PDE4D: variants seen among roughly 807,000 people sequenced by gnomAD.
PDE4D encodes 3',5'-cyclic-AMP phosphodiesterase 4D.
Under a neutral mutation model 87.4 loss-of-function variants are expected in PDE4D, and 24 were observed. The ratio of observed to expected loss-of-function variants is 0.27; its 90% CI spans 0.20 to 0.39. PDE4D has a LOEUF of 0.39. Among genes scored for constraint, PDE4D ranks in the 10% least tolerant of loss-of-function variants. PDE4D has a pLI of 1.00. For missense variants in PDE4D, 714 were observed against 1,041.0 expected (o/e 0.69, Z 4.32); for synonymous variants, 384 against 383.2 (o/e 1.00, Z -0.02).
chr5:60,195,239 A>G (rs1034049238), intron 1 of PDE4D, among the ~76,000 whole-genome samples: 7 of 151,600 alleles, frequency 4.6e-5, no homozygotes, highest in African/African-American at 1.2e-4. Context: ...TACTCCCTCC[A>G]TAATGCCTCC....
At chr5:60,013,512 G>A (rs906010452) in intron 2 of PDE4D, among the ~76,000 whole-genome samples, 3 of 152,126 alleles carry the variant, frequency 2.0e-5, no homozygotes, top group Non-Finnish European at 2.9e-5. Flanking sequence ...CAAAGATCTA[G>A]TAGCATCTGT....
At chr5:58,991,639 C>T (rs1747939588) in intron 8 of PDE4D, among the ~76,000 whole-genome samples, 193 bp downstream of exon 8, 1 of 151,912 alleles carries the variant, frequency 6.6e-6, no homozygotes, top group Non-Finnish European at 1.5e-5. Flanking sequence ...CCCCCCAAAC[C>T]CCTAAAACAT....
chr5:59,705,158 T>C (rs1265910020), intron 1 of PDE4D, among the ~76,000 whole-genome samples: 1 of 152,182 alleles, frequency 6.6e-6, no homozygotes, highest in African/African-American at 2.4e-5. Flanking sequence ...ATATTGACTG[T>C]GCTCTTGTGG....
intron 3 of PDE4D, among the ~76,000 whole-genome samples, chr5:59,189,049 C>T (rs1320452818): frequency 6.6e-6 from 1 of 152,034 alleles, no homozygotes; most frequent in Non-Finnish European, 1.5e-5. Flanking sequence ...GCCACAAGAT[C>T]GTTGCTGCTG....
chr5:59,771,470 A>AGAGAGAGAGAG (rs1491378347), intron 1 of PDE4D, among the ~76,000 whole-genome samples: 2 of 92,338 alleles, frequency 2.2e-5, no homozygotes, highest in Admixed American at 1.0e-4. Flanking sequence ...AGAAAGAAAG[A>AGAGAGAGAGAG]AAGAAAGAAA....
Position 59,376,316 on chromosome 5 carries a change from G to C in PDE4D, c.456-160348C>G, listed in dbSNP as rs188094501. On this transcript the variant is annotated intron_variant, in intron 1 of 14. Coordinates refer to ENST00000340635, the MANE Select transcript of PDE4D (RefSeq NM_001104631.2). ...TCTCAGCCCAAAAGCTTCTTAAACT[G>C]ATAAACAACTTCAGCAAAGTTTCAG... 5.3e-5 allele frequency among the ~76,000 whole-genome samples: 8 copies of C among 152,206 alleles called. No individual in the cohort carries two copies. In the East Asian group the frequency reaches 1.5e-3, roughly 29 times the overall value.
At chr5:60,364,844 T>C (rs957759537) in intron 1 of PDE4D, among the ~76,000 whole-genome samples, 1 of 152,226 alleles carries the variant, frequency 6.6e-6, no homozygotes, top group Non-Finnish European at 1.5e-5. Flanking sequence ...AGATTACCTC[T>C]ATCCCAAGAA....
At chr5:60,395,677 G>A (rs182591306) in intron 1 of PDE4D, among the ~76,000 whole-genome samples, 6 of 151,592 alleles carry the variant, frequency 4.0e-5, no homozygotes, top group East Asian at 1.9e-4. Context: ...CAAAGATTAC[G>A]CCTTTTATTT....
intron 1 of PDE4D, among the ~76,000 whole-genome samples, chr5:59,438,765 C>T (rs1043527837): frequency 1.1e-4 from 17 of 151,936 alleles, no homozygotes; most frequent in African/African-American, 3.6e-4. Context: ...TGTACTCCAC[C>T]TCTTCTAGGG....
chr5:60,179,990 T>G (rs1412493507), intron 2 of PDE4D, among the ~76,000 whole-genome samples: 1 of 152,238 alleles, frequency 6.6e-6, no homozygotes, highest in Non-Finnish European at 1.5e-5. Context: ...CTCTCCATTT[T>G]TTTGTATCTG....
intron 1 of PDE4D, among the ~76,000 whole-genome samples, chr5:59,374,546 C>T (rs756410965): frequency 1.4e-4 from 21 of 151,980 alleles, no homozygotes; most frequent in Non-Finnish European, 2.9e-4. Flanking sequence ...TTAGAGACCT[C>T]CAAAGAGACC....
intron 1 of PDE4D, among the ~76,000 whole-genome samples, chr5:59,812,406 C>T (rs1347913732): frequency 2.6e-5 from 4 of 152,152 alleles, no homozygotes; most frequent in African/African-American, 4.8e-5. Flanking sequence ...GTCATGGCAC[C>T]TGTAATCTGA....
chr5:60,460,967 A>ACC, intron 1 of PDE4D, among the ~76,000 whole-genome samples: 1 of 151,602 alleles, frequency 6.6e-6, no homozygotes, highest in African/African-American at 2.4e-5. Flanking sequence ...AGCTGTTTGG[A>ACC]CCCCCCAAGG....
At chr5:59,416,928 TATAC>T (rs1793701297) in intron 1 of PDE4D, among the ~76,000 whole-genome samples, 3 of 152,172 alleles carry the variant, frequency 2.0e-5, no homozygotes, top group South Asian at 4.1e-4. Flanking sequence ...GATGTATACA[TATAC>T]ATATATTTTA....
chr5:59,045,492 G>T (rs1760457156), intron 5 of PDE4D, among the ~76,000 whole-genome samples: 1 of 147,016 alleles, frequency 6.8e-6, no homozygotes, highest in African/African-American at 2.5e-5. Context: ...GATAGAGGTT[G>T]CAGTGAGCAG....
chr5:59,471,391 A>G (rs1802420338), intron 1 of PDE4D, among the ~76,000 whole-genome samples: 1 of 152,260 alleles, frequency 6.6e-6, no homozygotes, highest in African/African-American at 2.4e-5. Flanking sequence ...TGAAGATTAA[A>G]TCAAAAAAGC....
chr5:60,194,830 A>G lies in PDE4D; in HGVS notation c.-89-9143T>C, dbSNP rs542364436. Among the ~76,000 whole-genome samples, 10 of 151,722 alleles carry G rather than the reference A, an allele frequency of 6.6e-5. 1 individual carries two copies. In the South Asian group the frequency reaches 1.7e-3, roughly 25 times the overall value. ...ACTTTCTAATGTTCTTCTTGTCACC[A>G]ATACTGCCTACTTCAAGTCCACCTT... On this transcript the variant is annotated intron_variant, in intron 1 of 16. Coordinates refer to the PDE4D transcript ENST00000502484.
intron 1 of PDE4D, among the ~76,000 whole-genome samples, chr5:59,460,062 T>C (rs1280585583): frequency 1.3e-5 from 2 of 151,644 alleles, no homozygotes; most frequent in Admixed American, 1.3e-4. Context: ...GATGTCCATA[T>C]GGAAAAAATA....
chr5:60,118,631 C>T (rs1036611616), intron 2 of PDE4D, among the ~76,000 whole-genome samples: 3 of 148,838 alleles, frequency 2.0e-5, no homozygotes, highest in African/African-American at 7.4e-5. Context: ...ATAAATAAAA[C>T]ATGTGGGCTC....
Sources: gnomAD v4.1 joint callset for allele counts (sites outside exome capture counted in the v4.1 genomes callset) on GRCh38, gnomAD v4.1.1 for gene constraint, MANE v1.5 for transcripts, NCBI Gene and HGNC (gene_info 2026-07-23, HGNC 2026-07-21) for gene names.